The following RERE variants were observed in gnomAD, a reference collection of about 807,000 sequenced individuals.
The protein encoded by RERE is arginine-glutamic acid dipeptide repeats protein.
Under a neutral mutation model 146.1 loss-of-function variants are expected in RERE, and 40 were observed. The observed-to-expected ratio is 0.27, with a 90% CI of 0.21 to 0.36. RERE has a LOEUF of 0.36. Ranked by LOEUF, RERE falls within the 10% of genes least tolerant of loss-of-function variation. RERE has a pLI of 1.00. For synonymous variants in RERE, 1,003 were observed against 866.0 expected, an observed-to-expected ratio of 1.16 and a Z score of -2.78; for missense variants, 1,933 against 2,138.7, an observed-to-expected ratio of 0.90 and a Z score of 1.90.
At chr1:8,622,531 TATA>T (rs1435799216) in intron 3 of RERE, among the ~76,000 whole-genome samples, 2 of 112,300 alleles carry the variant, frequency 1.8e-5, no homozygotes, top group African/African-American at 6.6e-5. Flanking sequence ...GAAGGAAAGA[TATA>T]ATAAGTAGCA....
Position 8,353,737 on chromosome 1 carries a change from A to T in RERE, c.*1350T>A, listed in dbSNP as rs1245689727. 6.6e-6 allele frequency: 1 copy of T among 152,260 alleles called. No individual in the cohort carries two copies. Among genetic ancestry groups the T allele is most frequent in the Non-Finnish European group, 1.5e-5 (1 of 68,046 alleles). 9.4% of individuals were successfully genotyped at this position (152,260 alleles called of 1,614,324 possible). On this transcript the variant is annotated 3_prime_UTR_variant, in exon 23 of 23. Transcript: ENST00000400908. ...CACTGTGGGTGGGACTCCAGTTCCC[A>T]CTTCCAGGATGAAGAGTGGGACTCA... is the stretch of plus-strand genomic sequence containing the variant.
At chr1:8,570,656 C>T (rs1209736621) in intron 4 of RERE, among the ~76,000 whole-genome samples, 3 of 152,118 alleles carry the variant, frequency 2.0e-5, no homozygotes, top group South Asian at 2.1e-4. Context: ...AAGCAAATGA[C>T]GTCTTGGTAT....
chr1:8,683,252 C>A (rs964816937), intron 1 of RERE, among the ~76,000 whole-genome samples: 2 of 152,122 alleles, frequency 1.3e-5, no homozygotes, highest in African/African-American at 4.8e-5. Context: ...CAAGTCTATA[C>A]CACACATGTA....
chr1:8,555,108 C>G (rs533475815), intron 6 of RERE, among the ~76,000 whole-genome samples: 1 of 152,342 alleles, frequency 6.6e-6, no homozygotes, highest in South Asian at 2.1e-4. Context: ...TACATCCATG[C>G]CATACCCCAC....
chr1:8,597,090 A>ATTTT (rs34498274), intron 4 of RERE, among the ~76,000 whole-genome samples: 1 of 144,280 alleles, frequency 6.9e-6, no homozygotes, highest in Non-Finnish European at 1.5e-5. Context: ...ACTGATGCTG[A>ATTTT]TTTTTTTTTT....
intron 12 of RERE, among the ~76,000 whole-genome samples, chr1:8,372,042 G>A (rs1473700169): frequency 6.6e-6 from 1 of 152,196 alleles, no homozygotes; most frequent in African/African-American, 2.4e-5. Flanking sequence ...GGAATGCTAC[G>A]GGAAGAGAAC....
intron 10 of RERE, among the ~76,000 whole-genome samples, chr1:8,482,287 G>GA (rs1644845201): frequency 6.6e-6 from 1 of 152,176 alleles, no homozygotes; most frequent in Non-Finnish European, 1.5e-5. Context: ...CATGTTTAGG[G>GA]AAAAGAAGAA....
chr1:8,739,039 C>A (rs1640257822), intron 1 of RERE, among the ~76,000 whole-genome samples: 1 of 152,076 alleles, frequency 6.6e-6, no homozygotes, highest in Non-Finnish European at 1.5e-5. Flanking sequence ...CCAGTCATAG[C>A]CTAAGTCCAA....
intron 12 of RERE, among the ~76,000 whole-genome samples, chr1:8,392,290 TAGAAA>T (rs1642908311): frequency 6.6e-6 from 1 of 151,830 alleles, no homozygotes; most frequent in South Asian, 2.1e-4. Flanking sequence ...TTGTAAGAAA[TAGAAA>T]TAAACAAAAT....
At chr1:8,608,085 G>A (rs1646743986) in intron 4 of RERE, among the ~76,000 whole-genome samples, 1 of 151,790 alleles carries the variant, frequency 6.6e-6, no homozygotes, top group Non-Finnish European at 1.5e-5. Flanking sequence ...TCAGAGACTG[G>A]TCTGACCAGT....
chr1:8,763,378 A>G (rs569353214), intron 1 of RERE, among the ~76,000 whole-genome samples: 2 of 152,228 alleles, frequency 1.3e-5, no homozygotes, highest in Non-Finnish European at 2.9e-5. Flanking sequence ...CACACCTGTA[A>G]TCCCAGCACT....
chr1:8,710,848 G>A (rs936856262), intron 1 of RERE, among the ~76,000 whole-genome samples: 9 of 152,040 alleles, frequency 5.9e-5, no homozygotes, highest in African/African-American at 1.9e-4. Context: ...TGATAGGCCA[G>A]GCGGAGTAGC....
At chr1:8,367,691 CA>C (rs1641867400) in intron 12 of RERE, among the ~76,000 whole-genome samples, 1 of 152,186 alleles carries the variant, frequency 6.6e-6, no homozygotes, top group African/African-American at 2.4e-5. Flanking sequence ...AGGAGAAATG[CA>C]GATACTGCCA....
intron 11 of RERE, among the ~76,000 whole-genome samples, chr1:8,450,337 C>A (rs1644376044): frequency 6.6e-6 from 1 of 150,866 alleles, no homozygotes; most frequent in African/African-American, 2.4e-5. Flanking sequence ...ACTGAGAAGC[C>A]AGGAGCTCCA....
intron 8 of RERE, among the ~76,000 whole-genome samples, chr1:8,506,264 A>T (rs1645249090): frequency 1.3e-5 from 2 of 152,200 alleles, no homozygotes; most frequent in East Asian, 3.8e-4. Flanking sequence ...CACCTAATGG[A>T]ACACACCAAC....
chr1:8,456,164 T>C (rs940836142), intron 11 of RERE, among the ~76,000 whole-genome samples: 7 of 152,168 alleles, frequency 4.6e-5, no homozygotes, highest in Non-Finnish European at 8.8e-5. Flanking sequence ...GCCAGGGTAT[T>C]TGACTCAAGA....
intron 1 of RERE, among the ~76,000 whole-genome samples, chr1:8,749,416 A>T (rs1000684813): frequency 5.9e-5 from 9 of 152,142 alleles, no homozygotes; most frequent in East Asian, 3.9e-4. Flanking sequence ...AAAACAACAC[A>T]ATTTTGCTCT....
At chr1:8,752,030 T>C (rs1048739164) in intron 1 of RERE, among the ~76,000 whole-genome samples, 14 of 151,864 alleles carry the variant, frequency 9.2e-5, no homozygotes, top group Non-Finnish European at 1.8e-4. Context: ...GGCACTAATC[T>C]AGAATAACCC....
At chr1:8,756,705 C>G (rs1640645537) in intron 1 of RERE, among the ~76,000 whole-genome samples, 1 of 152,132 alleles carries the variant, frequency 6.6e-6, no homozygotes. Context: ...ATCACTTTAA[C>G]TTTAGAATGA....
Sources: allele counts gnomAD v4.1 joint callset (sites outside exome capture counted in the v4.1 genomes callset), GRCh38; gene constraint gnomAD v4.1.1; transcripts MANE v1.5; gene names NCBI Gene and HGNC (gene_info 2026-07-23, HGNC 2026-07-21).